TMPRSS15: variants seen among roughly 807,000 people sequenced by gnomAD.
TMPRSS15 encodes the protein transmembrane serine protease 15.
In TMPRSS15, 128 loss-of-function variants were observed where a neutral mutation model predicts 125.3. The observed-to-expected ratio is 1.02, with a 90% CI of 0.89 to 1.18. TMPRSS15 has a LOEUF of 1.18. Among genes scored for constraint, TMPRSS15 ranks in the 50% most tolerant of loss-of-function variants. The probability of loss-of-function intolerance (pLI) is 0.00; values close to 1 mark genes in which losing one functional copy is unlikely to be tolerated. For synonymous variants in TMPRSS15, 446 were observed against 423.2 expected, an observed-to-expected ratio of 1.05 and a Z score of -0.66; for missense variants, 1,283 against 1,212.7, an observed-to-expected ratio of 1.06 and a Z score of -0.86.
At chr21:18,458,189 G>A (rs73895629) in intron 1 of TMPRSS15, among the ~76,000 whole-genome samples, 1,567 of 152,210 alleles carry the variant, frequency 0.01, 10 homozygotes, top group African/African-American at 0.017. Context: ...TAACTCAGAC[G>A]CCATCTGGAA....
At chr21:18,452,636 A>T (rs948969017) in intron 1 of TMPRSS15, among the ~76,000 whole-genome samples, 1 of 152,060 alleles carries the variant, frequency 6.6e-6, no homozygotes, top group African/African-American at 2.4e-5. Context: ...GCATCAGTAC[A>T]CTCCAGCCTG....
At chr21:18,435,341 T>G (rs990098793) in intron 1 of TMPRSS15, among the ~76,000 whole-genome samples, 10 of 152,152 alleles carry the variant, frequency 6.6e-5, no homozygotes, top group South Asian at 2.1e-4. Flanking sequence ...TTAGCATGAA[T>G]GGTTGTTGAA....
chr21:18,355,420 C>T (rs1425148954), intron 8 of TMPRSS15, among the ~76,000 whole-genome samples: 2 of 151,816 alleles, frequency 1.3e-5, no homozygotes, highest in Non-Finnish European at 2.9e-5. Context: ...CATTAACCTG[C>T]TTCAGAGATA....
intron 16 of TMPRSS15, among the ~76,000 whole-genome samples, chr21:18,316,533 T>C (rs140802776): frequency 7.1e-4 from 108 of 152,208 alleles, no homozygotes; most frequent in African/African-American, 2.5e-3. Flanking sequence ...GTATCGGTAA[T>C]GTGAAAAGAA....
At chr21:18,383,162 C>A (rs2075909264) in intron 4 of TMPRSS15, among the ~76,000 whole-genome samples, 1 of 151,860 alleles carries the variant, frequency 6.6e-6, no homozygotes, top group African/African-American at 2.4e-5. Context: ...GACCCACAAA[C>A]TTCTGTGCAT....
rs575820288 is a variant in TMPRSS15, at chr21:18,310,453, C to G, written c.2165+2492G>C. Among the ~76,000 whole-genome samples the G allele has an allele frequency of 1.1e-3, 174 of 151,746 alleles. 1 individual carries two copies. Among genetic ancestry groups the G allele is most frequent in the African/African-American group, 4.0e-3 (166 of 41,310 alleles). On this transcript the variant is annotated intron_variant, in intron 18 of 24. Coordinates refer to ENST00000284885, the MANE Select transcript of TMPRSS15 (RefSeq NM_002772.3). The stretch of plus-strand genomic sequence containing the variant: ...AAAGAAATCAAGAAAGTAATCCCAT[C>G]TACAACAATCACAAAAAAAAACAAA...
chr21:18,414,794 C>T (rs918396583), intron 1 of TMPRSS15, among the ~76,000 whole-genome samples: 1 of 152,076 alleles, frequency 6.6e-6, no homozygotes. Context: ...TCTTGGCTAC[C>T]GTGAATAATG....
At chr21:18,361,893 A>T (rs200744313) in intron 7 of TMPRSS15, among the ~76,000 whole-genome samples, 1 of 149,188 alleles carries the variant, frequency 6.7e-6, no homozygotes, top group Non-Finnish European at 1.5e-5. Context: ...TAAAAAAAAA[A>T]CAAACCCAAA....
At chr21:18,346,388 A>T (rs888106598) in intron 10 of TMPRSS15, among the ~76,000 whole-genome samples, 28 of 152,272 alleles carry the variant, frequency 1.8e-4, no homozygotes, top group Admixed American at 2.6e-4. Flanking sequence ...TTCTTTTTTA[A>T]AAAAATAAGC....
intron 1 of TMPRSS15, among the ~76,000 whole-genome samples, chr21:18,411,415 A>G (rs1422010092): frequency 2.6e-5 from 4 of 152,044 alleles, no homozygotes; most frequent in East Asian, 1.9e-4. Flanking sequence ...CCTTTCTACA[A>G]TTTTATGACT....
intron 1 of TMPRSS15, among the ~76,000 whole-genome samples, chr21:18,485,529 G>T (rs1311615205): frequency 6.6e-6 from 1 of 151,626 alleles, no homozygotes; most frequent in Admixed American, 6.6e-5. Flanking sequence ...GTTTGTTTTG[G>T]TTGTTTCTAA....
intron 21 of TMPRSS15, among the ~76,000 whole-genome samples, chr21:18,288,830 C>A (rs988618360): frequency 1.3e-5 from 2 of 151,984 alleles, no homozygotes; most frequent in Admixed American, 6.6e-5. Context: ...GCCACCACAC[C>A]CGGCCGCTCT....
chr21:18,349,958 AATG>A lies in TMPRSS15; in HGVS notation c.1171+2942_1171+2944del, dbSNP rs72184920. 4.5e-3 allele frequency among the ~76,000 whole-genome samples: 679 copies of A among 152,282 alleles called. 4 individuals are homozygous for A. Among genetic ancestry groups the A allele is most frequent in the African/African-American group, 0.015 (640 of 41,574 alleles). ...TATTAGGATGACATAAGAGCAGAAAAATGATAATTTGAACATCAGAGATTTCAA... is the reference window on the plus strand; with the variant it reads ...TATTAGGATGACATAAGAGCAGAAAAATAATTTGAACATCAGAGATTTCAA... On this transcript the variant is annotated intron_variant, in intron 10 of 24. Coordinates refer to ENST00000284885, the MANE Select transcript of TMPRSS15 (RefSeq NM_002772.3).
intron 7 of TMPRSS15, among the ~76,000 whole-genome samples, chr21:18,363,899 G>A (rs2075701293): frequency 6.6e-6 from 1 of 152,040 alleles, no homozygotes; most frequent in Non-Finnish European, 1.5e-5. Context: ...ATCTAGAGCA[G>A]GAAACAAAGG....
intron 1 of TMPRSS15, among the ~76,000 whole-genome samples, chr21:18,451,535 C>A (rs1383663282): frequency 1.3e-5 from 2 of 152,118 alleles, no homozygotes; most frequent in East Asian, 3.9e-4. Flanking sequence ...CAACAAGAAG[C>A]ATTGAGGTGT....
intron 10 of TMPRSS15, among the ~76,000 whole-genome samples, chr21:18,349,220 T>C (rs1042821238): frequency 2.6e-5 from 4 of 152,180 alleles, no homozygotes; most frequent in African/African-American, 7.2e-5. Context: ...TGAACCTCAT[T>C]TGTCCTGAGC....
chr21:18,424,780 G>A (rs2123198525), intron 1 of TMPRSS15, among the ~76,000 whole-genome samples: 1 of 151,534 alleles, frequency 6.6e-6, no homozygotes, highest in African/African-American at 2.4e-5. Context: ...GAGATTAGAA[G>A]AAAGCAAGAA....
chr21:18,480,993 G>A (rs774284323), intron 1 of TMPRSS15, among the ~76,000 whole-genome samples: 18 of 151,750 alleles, frequency 1.2e-4, no homozygotes, highest in Non-Finnish European at 1.9e-4. Flanking sequence ...TCCACTAATC[G>A]AACTCAAACA....
chr21:18,332,638 T>C (rs1451463121), intron 13 of TMPRSS15, among the ~76,000 whole-genome samples: 2 of 152,162 alleles, frequency 1.3e-5, no homozygotes, highest in Non-Finnish European at 2.9e-5. Flanking sequence ...ACTTATAGAC[T>C]GTTGGTGGGA....
Sources: allele counts gnomAD v4.1 joint callset (sites outside exome capture counted in the v4.1 genomes callset), GRCh38; gene constraint gnomAD v4.1.1; transcripts MANE v1.5; gene names NCBI Gene and HGNC (gene_info 2026-07-23, HGNC 2026-07-21).